Variants in TENM4 observed in about 807,000 individuals in gnomAD.
TENM4 encodes the protein teneurin-4.
TENM4 carries 82 observed loss-of-function variants against 243.3 expected under a neutral mutation model. The ratio of observed to expected loss-of-function variants is 0.34; its 90% CI spans 0.28 to 0.40. The LOEUF (loss-of-function observed/expected upper bound fraction) is 0.40, where lower values mean the gene tolerates loss of function less well. Among genes scored for constraint, TENM4 ranks in the 10% least tolerant of loss-of-function variants. TENM4 has a pLI of 1.00. For synonymous variants in TENM4, 1,412 were observed against 1,456.3 expected (o/e 0.97, Z 0.69); for missense variants, 3,138 against 3,673.3 (o/e 0.85, Z 3.77).
At chr11:79,110,604 T>G in intron 4 of TENM4, among the ~76,000 whole-genome samples, 1 of 152,028 alleles carries the variant, frequency 6.6e-6, no homozygotes, top group African/African-American at 2.4e-5. Flanking sequence ...GTCTCTGGAG[T>G]TCCTGGATCT....
intron 6 of TENM4, among the ~76,000 whole-genome samples, chr11:78,943,204 T>C (rs1405862810): frequency 6.6e-6 from 1 of 152,220 alleles, no homozygotes; most frequent in Non-Finnish European, 1.5e-5. Flanking sequence ...ACCCCCAAGC[T>C]AGGGCAGGAG....
chr11:78,957,563 A>C (rs1857233068), intron 6 of TENM4, among the ~76,000 whole-genome samples: 10 of 152,348 alleles, frequency 6.6e-5, no homozygotes, highest in Admixed American at 6.5e-4. Context: ...ATTTAGAAAG[A>C]AAAATAAACA....
At chr11:79,090,762 AC>A (rs1473721477) in intron 4 of TENM4, among the ~76,000 whole-genome samples, 1 of 152,028 alleles carries the variant, frequency 6.6e-6, no homozygotes, top group African/African-American at 2.4e-5. Context: ...GTGGCTCACC[AC>A]TCCATCTCTG....
chr11:78,768,582 T>A (rs1856587611), intron 18 of TENM4, among the ~76,000 whole-genome samples: 1 of 152,256 alleles, frequency 6.6e-6, no homozygotes, highest in African/African-American at 2.4e-5. Context: ...CAGGGCCTGA[T>A]AACAATGTAG....
intron 14 of TENM4, among the ~76,000 whole-genome samples, chr11:78,811,912 C>T (rs1857509330): frequency 6.6e-6 from 1 of 152,222 alleles, no homozygotes; most frequent in African/African-American, 2.4e-5. Context: ...CAATACATGA[C>T]ATTTCTCCCC....
At chr11:79,325,404 T>C (rs12794225) in intron 1 of TENM4, among the ~76,000 whole-genome samples, 9 of 152,054 alleles carry the variant, frequency 5.9e-5, no homozygotes, top group African/African-American at 2.2e-4. Context: ...GCTGTTTGAA[T>C]GAAAAGACCC....
intron 1 of TENM4, among the ~76,000 whole-genome samples, chr11:79,385,267 T>C (rs1443781762): frequency 6.6e-6 from 1 of 152,224 alleles, no homozygotes; most frequent in Non-Finnish European, 1.5e-5. Context: ...TCAGTATTTT[T>C]TTCAAAGTTC....
intron 15 of TENM4, among the ~76,000 whole-genome samples, chr11:78,795,419 G>T (rs891864787): frequency 1.3e-5 from 2 of 152,292 alleles, no homozygotes; most frequent in East Asian, 3.9e-4. Context: ...TTGGAATCAG[G>T]TAAGAGCCTG....
intron 1 of TENM4, among the ~76,000 whole-genome samples, chr11:79,317,378 A>T (rs1856819883): frequency 6.6e-6 from 1 of 151,846 alleles, no homozygotes; most frequent in African/African-American, 2.4e-5. Flanking sequence ...TATAAAGGTA[A>T]TTTTTTCTGG....
rs1274470149 is a variant in TENM4, at chr11:79,218,240, C to CCG, written c.-264-2332_-264-2331insCG. Among the ~76,000 whole-genome samples the CCG allele has an allele frequency of 4.8e-4, 67 of 138,672 alleles. 1 individual carries two copies. The highest frequency in any genetic ancestry group is 1.6e-3 in the African/African-American group (59 of 36,954). The allele number at this position is 138,672 out of a possible 152,430, so 91.0% of individuals were successfully genotyped here. On this transcript the variant is annotated intron_variant, in intron 2 of 33. Coordinates refer to ENST00000278550, the MANE Select transcript of TENM4 (RefSeq NM_001098816.3). ...AGAAGTTTACCCCCTGCCCACCCACCCCCGACACACACAACCCCACCCCAA... is the reference window on the plus strand; with the variant it reads ...AGAAGTTTACCCCCTGCCCACCCACCCGCCCGACACACACAACCCCACCCCAA...
chr11:79,277,728 T>C (rs1246636096), intron 2 of TENM4, among the ~76,000 whole-genome samples: 1 of 152,152 alleles, frequency 6.6e-6, no homozygotes, highest in Non-Finnish European at 1.5e-5. Flanking sequence ...GTCTGAGCCT[T>C]GGTTTTTCCA....
At chr11:79,164,061 TATA>T (rs1862832954) in intron 3 of TENM4, among the ~76,000 whole-genome samples, 1 of 19,318 alleles carries the variant, frequency 5.2e-5, no homozygotes, top group Non-Finnish European at 1.3e-4. Flanking sequence ...ACTATGTATA[TATA>T]GTGTATATAT....
chr11:78,799,423 T>A (rs921049371), intron 15 of TENM4, among the ~76,000 whole-genome samples: 6 of 152,226 alleles, frequency 3.9e-5, no homozygotes, highest in Admixed American at 2.0e-4. Flanking sequence ...CTTCACTGTA[T>A]AAACTGTCCT....
At chr11:79,400,145 A>ACC (rs1555062851) in intron 1 of TENM4, among the ~76,000 whole-genome samples, 193 of 130,700 alleles carry the variant, frequency 1.5e-3, no homozygotes, top group African/African-American at 4.8e-3. Context: ...ACACACACAC[A>ACC]CCCTCCAGGA....
chr11:79,290,619 T>A (rs1856340441), intron 2 of TENM4, among the ~76,000 whole-genome samples: 1 of 152,052 alleles, frequency 6.6e-6, no homozygotes, highest in African/African-American at 2.4e-5. Context: ...GGTGATCAGA[T>A]CCTGGAACAA....
chr11:79,331,758 C>T (rs1403521806), intron 1 of TENM4, among the ~76,000 whole-genome samples: 1 of 152,228 alleles, frequency 6.6e-6, no homozygotes, highest in Non-Finnish European at 1.5e-5. Flanking sequence ...CTTCCTGCAA[C>T]CCCGGGCAGG....
chr11:78,949,344 G>A (rs1857068637), intron 6 of TENM4, among the ~76,000 whole-genome samples: 1 of 152,212 alleles, frequency 6.6e-6, no homozygotes, highest in African/African-American at 2.4e-5. Flanking sequence ...CTCAGTATTT[G>A]ACACACAGTA....
chr11:78,805,012 T>C (rs780135577), intron 15 of TENM4, among the ~76,000 whole-genome samples: 1 of 151,568 alleles, frequency 6.6e-6, no homozygotes, highest in African/African-American at 2.4e-5. Flanking sequence ...GAGATGAGAG[T>C]TCGGTGAAAC....
intron 6 of TENM4, among the ~76,000 whole-genome samples, chr11:79,062,838 A>G (rs748826012): frequency 2.6e-4 from 39 of 152,174 alleles, no homozygotes; most frequent in Non-Finnish European, 4.0e-4. Flanking sequence ...CCTTCAATTT[A>G]ATGCTCAAGT....
Sources: allele counts gnomAD v4.1 joint callset (sites outside exome capture counted in the v4.1 genomes callset), GRCh38; gene constraint gnomAD v4.1.1; transcripts MANE v1.5; gene names NCBI Gene and HGNC (gene_info 2026-07-23, HGNC 2026-07-21).